HNRNPLL: variants seen among roughly 807,000 people sequenced by gnomAD.
HNRNPLL encodes the protein heterogeneous nuclear ribonucleoprotein L-like.
In HNRNPLL, 25 loss-of-function variants were observed where a neutral mutation model predicts 67.1. The observed-to-expected ratio is 0.37, with a 90% confidence interval of 0.27 to 0.52. The LOEUF (loss-of-function observed/expected upper bound fraction) is 0.52. Among genes scored for constraint, HNRNPLL ranks in the 20% least tolerant of loss-of-function variants. The pLI is 0.90. For synonymous variants in HNRNPLL, 267 were observed against 241.7 expected (o/e 1.10, Z -0.97); for missense variants, 542 against 673.9 (o/e 0.80, Z 2.17).
In HNRNPLL at chr2:38,585,821, A is replaced by C; in HGVS notation, c.369T>G (p.Ser123Arg). The C allele has an allele frequency of 1.2e-6, 2 of 1,614,062 alleles. No individual in the cohort carries two copies. Among genetic ancestry groups the C allele is most frequent in the Non-Finnish European group, 1.7e-6 (2 of 1,179,898 alleles). Residue 123 changes from serine to arginine, a missense_variant, in exon 3 of 13, where the codon AGT becomes AGG. Coordinates refer to ENST00000449105, the MANE Select transcript of HNRNPLL (RefSeq NM_138394.4). ...CAGCAAATGTCACACATTCTTTGGC[A>C]CTATCTATGTTTTCAAATTCCACTA... Reference protein sequence around the residue: ...QALVEFENIDSAKECVTFAAD... With the variant: ...QALVEFENIDRAKECVTFAAD...
At chr2:38,598,101 A>G (rs1667282330) in intron 1 of HNRNPLL, among the ~76,000 whole-genome samples, 1 of 152,026 alleles carries the variant, frequency 6.6e-6, no homozygotes. Context: ...ATAAAAACAT[A>G]AAAACAAAAC....
intron 3 of HNRNPLL, among the ~76,000 whole-genome samples, chr2:38,584,788 C>G (rs1019628608): frequency 2.6e-5 from 4 of 152,016 alleles, no homozygotes; most frequent in Admixed American, 2.6e-4. Context: ...AATTATTCAA[C>G]TATCAAGAAA....
At chr2:38,579,600 A>G (rs1159285743) in intron 6 of HNRNPLL, among the ~76,000 whole-genome samples, 2 of 151,922 alleles carry the variant, frequency 1.3e-5, no homozygotes, top group Non-Finnish European at 2.9e-5. Context: ...TCTCCCCAAA[A>G]AGATGCACCT....
At chr2:38,572,868 T>A (rs1043451053) in intron 8 of HNRNPLL, among the ~76,000 whole-genome samples, 10 of 152,000 alleles carry the variant, frequency 6.6e-5, no homozygotes, top group African/African-American at 1.2e-4. Context: ...TCCATGAAAG[T>A]AACTGCTCTT....
rs143090377 is a variant in HNRNPLL at position 38,576,307 on chromosome 2, C to T, written c.874+1154G>A. The stretch of plus-strand genomic sequence containing the variant: ...TTGTAATGGCAAATTTTTTGTAACC[C>T]TCCATTATCAAAGTGCAAAAAACAC... On this transcript the variant is annotated intron_variant, in intron 7 of 12. Coordinates refer to ENST00000449105, the MANE Select transcript of HNRNPLL (RefSeq NM_138394.4). Among the ~76,000 whole-genome samples, 256 of 151,812 alleles carry T rather than the reference C, an allele frequency of 1.7e-3. 1 individual carries two copies. Among genetic ancestry groups the T allele is most frequent in the African/African-American group, 6.1e-3 (253 of 41,476 alleles).
intron 1 of HNRNPLL, among the ~76,000 whole-genome samples, chr2:38,595,370 T>C (rs2148384733): frequency 6.6e-6 from 1 of 151,466 alleles, no homozygotes; most frequent in East Asian, 1.9e-4. Context: ...CCATTATAGG[T>C]AACCACTATC....
chr2:38,580,957 A>G (rs541164825), intron 6 of HNRNPLL: 28 of 152,306 alleles, frequency 1.8e-4, no homozygotes, highest in Non-Finnish European at 3.2e-4. Flanking sequence ...AAATCAAACC[A>G]CACAGAAGAA....
intron 2 of HNRNPLL, among the ~76,000 whole-genome samples, chr2:38,586,145 C>T (rs1666723074): frequency 6.6e-6 from 1 of 152,104 alleles, no homozygotes. Flanking sequence ...CCTCAGCCTC[C>T]TTAGTATCTG....
rs192487624 is a variant in HNRNPLL, at chr2:38,588,591, A to C, written c.309-2710T>G. On this transcript the variant is annotated intron_variant, in intron 2 of 12. Transcript: ENST00000449105. ...AAGGGTGAGCTAAAAGCACAACTTAAAAGTGAGGGTTACCCAGAAAAGTAG... is the reference window on the plus strand; with the variant it reads ...AAGGGTGAGCTAAAAGCACAACTTACAAGTGAGGGTTACCCAGAAAAGTAG... 3.0e-4 allele frequency among the ~76,000 whole-genome samples: 46 copies of C among 151,750 alleles called. 1 individual carries two copies. The East Asian group carries it at 8.6e-3, about 28-fold the overall frequency.
intron 8 of HNRNPLL, among the ~76,000 whole-genome samples, chr2:38,570,844 C>T (rs776154980): frequency 2.8e-4 from 42 of 151,754 alleles, no homozygotes; most frequent in Non-Finnish European, 2.7e-4. Flanking sequence ...GAGCTTGAGA[C>T]CAGGCTGGGC....
chr2:38,579,513 T>G (rs1662901451), intron 6 of HNRNPLL, among the ~76,000 whole-genome samples: 1 of 152,028 alleles, frequency 6.6e-6, no homozygotes, highest in African/African-American at 2.4e-5. Flanking sequence ...AGCAGAAAGT[T>G]GAACCCTAAA....
chr2:38,579,430 T>C (rs886163626), intron 6 of HNRNPLL, among the ~76,000 whole-genome samples: 1 of 151,664 alleles, frequency 6.6e-6, no homozygotes, highest in Non-Finnish European at 1.5e-5. Flanking sequence ...TAAAATAAAA[T>C]AATTAAAAAA....
intron 1 of HNRNPLL, among the ~76,000 whole-genome samples, chr2:38,601,377 A>C (rs1325567317): frequency 2.0e-5 from 3 of 152,214 alleles, no homozygotes; most frequent in African/African-American, 7.2e-5. Context: ...GGTAAGGTAA[A>C]AACCCTTTTA....
intron 12 of HNRNPLL, chr2:38,566,162 G>C (rs1415677052): frequency 7.4e-6 from 6 of 813,264 alleles, no homozygotes; most frequent in Non-Finnish European, 8.9e-6. Context: ...AGGTCCAGGA[G>C]TTCGAGACCA....
intron 1 of HNRNPLL, among the ~76,000 whole-genome samples, chr2:38,599,717 C>T (rs1169210763): frequency 2.0e-5 from 3 of 152,166 alleles, no homozygotes; most frequent in African/African-American, 7.2e-5. Flanking sequence ...AAGTTAAGAG[C>T]CTTTGTAGAA....
rs1176124784 is a variant in HNRNPLL, at chr2:38,585,705, G to A, written c.485C>T (p.Pro162Leu). Residue 162 changes from proline to leucine, a missense_variant, in exon 3 of 13, where the codon CCA (proline) becomes CTA (leucine). By Grantham distance (98) the Pro-to-Leu change is moderately conservative. Coordinates refer to ENST00000449105, the MANE Select transcript of HNRNPLL (RefSeq NM_138394.4). ...CAGAAGAACTTTGTTGCCTCCTGATGGATCATCAGTATTTCCTGGCCGAGT... is the reference window on the plus strand; with the variant it reads ...CAGAAGAACTTTGTTGCCTCCTGATAGATCATCAGTATTTCCTGGCCGAGT... ...RITRPGNTDD[P>L]SGGNKVLLLS... 10 of 1,613,712 alleles carry A rather than the reference G, an allele frequency of 6.2e-6. No individual in the cohort carries two copies. Among genetic ancestry groups the A allele is most frequent in the Non-Finnish European group, 8.5e-7 (1 of 1,179,774 alleles).
chr2:38,570,114 T>C (rs952153798), intron 8 of HNRNPLL, among the ~76,000 whole-genome samples, 189 bp from the exon 9 acceptor site: 2 of 152,220 alleles, frequency 1.3e-5, no homozygotes, highest in Non-Finnish European at 2.9e-5. Flanking sequence ...AGGAACACTA[T>C]TGTATAGCCC....
chr2:38,589,512 T>G (rs1666878226), intron 2 of HNRNPLL, among the ~76,000 whole-genome samples: 1 of 152,186 alleles, frequency 6.6e-6, no homozygotes, highest in African/African-American at 2.4e-5. Flanking sequence ...CCAATTAAGC[T>G]CTTAATTACA....
chr2:38,602,717 A>G lies in HNRNPLL; in HGVS notation c.-91T>C, dbSNP rs1028622003. 12 of 1,436,722 alleles carry G rather than the reference A, an allele frequency of 8.4e-6. 1 individual carries two copies. In the Admixed American group the frequency reaches 1.2e-4, roughly 15 times the overall value. 89.0% of individuals were successfully genotyped at this position (1,436,722 alleles called of 1,614,324 possible). ...CCGCCGGCCAGTCCTCGCCGCCGGCAGCGCCTCTTCTGCGAGGGTCTCCGC... is the reference window on the plus strand; with the variant it reads ...CCGCCGGCCAGTCCTCGCCGCCGGCGGCGCCTCTTCTGCGAGGGTCTCCGC... On this transcript the variant is annotated 5_prime_UTR_variant, in exon 1 of 13. Transcript: ENST00000449105.
Sources: gnomAD v4.1 joint callset for allele counts (sites outside exome capture counted in the v4.1 genomes callset) on GRCh38, gnomAD v4.1.1 for gene constraint, MANE v1.5 for transcripts, NCBI Gene and HGNC (gene_info 2026-07-23, HGNC 2026-07-21) for gene names.